UHRF2: variants seen among roughly 807,000 people sequenced by gnomAD.
UHRF2 encodes the protein E3 ubiquitin-protein ligase UHRF2.
Under a neutral mutation model 96.8 loss-of-function variants are expected in UHRF2, and 23 were observed. The ratio of observed to expected loss-of-function variants is 0.24; its 90% CI spans 0.17 to 0.34. UHRF2 has a LOEUF of 0.34. Among genes scored for constraint, UHRF2 ranks in the 10% least tolerant of loss-of-function variants. The probability of loss-of-function intolerance (pLI) is 1.00; values close to 1 mark genes in which losing one functional copy is unlikely to be tolerated. For synonymous variants in UHRF2, 385 were observed against 332.6 expected, an observed-to-expected ratio of 1.16 and a Z score of -1.72; for missense variants, 685 against 981.5, an observed-to-expected ratio of 0.70 and a Z score of 4.04.
chr9:6,485,116 A>C (rs983924861), intron 8 of UHRF2, among the ~76,000 whole-genome samples: 1 of 152,136 alleles, frequency 6.6e-6, no homozygotes, highest in Non-Finnish European at 1.5e-5. Flanking sequence ...TCTGTGGAAG[A>C]TGAAACATTT....
At chr9:6,436,248 T>C (rs1467731732) in intron 3 of UHRF2, among the ~76,000 whole-genome samples, 1 of 152,222 alleles carries the variant, frequency 6.6e-6, no homozygotes, top group East Asian at 1.9e-4. Flanking sequence ...TAGATCCCTT[T>C]AATCTTTACT....
At chr9:6,466,141 C>T (rs1271093558) in intron 4 of UHRF2, among the ~76,000 whole-genome samples, 2 of 152,136 alleles carry the variant, frequency 1.3e-5, no homozygotes, top group African/African-American at 4.8e-5. Flanking sequence ...TGGCTTGTGC[C>T]TGTAATCCTA....
At chr9:6,423,333 T>C (rs1820044678) in intron 2 of UHRF2, among the ~76,000 whole-genome samples, 1 of 152,160 alleles carries the variant, frequency 6.6e-6, no homozygotes, top group African/African-American at 2.4e-5. Flanking sequence ...CTTTATAAAT[T>C]GAGTTTAATA....
intron 1 of UHRF2, chr9:6,415,134 T>A (rs2130699248): frequency 6.6e-6 from 1 of 152,322 alleles, no homozygotes; most frequent in South Asian, 2.1e-4. Context: ...AAATGAAGGA[T>A]GTTCTTGGGC....
intron 3 of UHRF2, among the ~76,000 whole-genome samples, chr9:6,447,174 C>T (rs1199744690): frequency 6.6e-6 from 1 of 152,190 alleles, no homozygotes; most frequent in East Asian, 1.9e-4. Flanking sequence ...CAGGCATGAG[C>T]CACCGCGCCC....
At chr9:6,429,808 C>T (rs1820469093) in intron 2 of UHRF2, among the ~76,000 whole-genome samples, 1 of 152,298 alleles carries the variant, frequency 6.6e-6, no homozygotes, top group South Asian at 2.1e-4. Context: ...CATGGTTACA[C>T]TTAGTGGGTG....
At chr9:6,444,290 TAA>T (rs1293198972) in intron 3 of UHRF2, among the ~76,000 whole-genome samples, 1 of 151,844 alleles carries the variant, frequency 6.6e-6, no homozygotes, top group African/African-American at 2.4e-5. Flanking sequence ...GTATTTCCTC[TAA>T]CTGTCTATGA....
At chr9:6,453,897 T>G (rs1822017815) in intron 3 of UHRF2, among the ~76,000 whole-genome samples, 1 of 151,902 alleles carries the variant, frequency 6.6e-6, no homozygotes, top group Non-Finnish European at 1.5e-5. Flanking sequence ...AGAGTAAGAC[T>G]CCGTCTCAAA....
At chr9:6,426,169 C>T (rs897962771) in intron 2 of UHRF2, among the ~76,000 whole-genome samples, 3 of 152,322 alleles carry the variant, frequency 2.0e-5, no homozygotes, top group Non-Finnish European at 4.4e-5. Context: ...GGAAGAGCAT[C>T]AGGAGAAATT....
At chr9:6,495,112 A>G (rs533487123) in intron 10 of UHRF2, 35 of 152,326 alleles carry the variant, frequency 2.3e-4, no homozygotes, top group Non-Finnish European at 4.7e-4. Context: ...GTCAAATCTG[A>G]AAATTATTTT....
intron 1 of UHRF2, among the ~76,000 whole-genome samples, chr9:6,419,750 G>T (rs1819818206): frequency 6.6e-6 from 1 of 151,970 alleles, no homozygotes; most frequent in South Asian, 2.1e-4. Context: ...TTATTTATTT[G>T]TTTATTTTGA....
chr9:6,478,404 T>C (rs1823717778), intron 6 of UHRF2, among the ~76,000 whole-genome samples: 1 of 152,230 alleles, frequency 6.6e-6, no homozygotes, highest in Non-Finnish European at 1.5e-5. Context: ...TGTTATGTTC[T>C]ATAATAGTAC....
At chr9:6,468,264 T>A (rs750030048) in intron 4 of UHRF2, 2 of 359,014 alleles carry the variant, frequency 5.6e-6, no homozygotes, top group Non-Finnish European at 1.1e-5. Flanking sequence ...ACAAAAATGG[T>A]ACATAAGTGA....
rs1822451507 is a variant in UHRF2, at chr9:6,460,251, C to G, written c.645-322C>G. On this transcript the variant is annotated intron_variant, in intron 3 of 15. Transcript: ENST00000276893. ...TTCTAGAAAAATTGTATATAGCTCC[C>G]TCAAAGTAGATGATTGTGGTTCTTG... Among the ~76,000 whole-genome samples, 6 of 152,238 alleles carry G rather than the reference C, an allele frequency of 3.9e-5. No individual in the cohort carries two copies. The South Asian group carries it at 1.2e-3, about 32-fold the overall frequency.
chr9:6,497,935 G>A, intron 11 of UHRF2, 83 bp from the exon 12 acceptor site: 4 of 1,523,518 alleles, frequency 2.6e-6, no homozygotes. Flanking sequence ...TTTAGTTCTG[G>A]CAAAGATTAT....
At chr9:6,422,489 C>G (rs940747400) in intron 2 of UHRF2, 1 of 422,466 alleles carries the variant, frequency 2.4e-6, no homozygotes, top group Non-Finnish European at 4.3e-6. Flanking sequence ...ATATAAAGCT[C>G]TACAAATCTG....
chr9:6,506,367 C>G lies in UHRF2; in HGVS notation c.*188C>G. 2 of 643,776 alleles carry G rather than the reference C, an allele frequency of 3.1e-6. No individual in the cohort carries two copies. The highest frequency in any genetic ancestry group is 3.1e-5 in the South Asian group (1 of 32,570). 39.9% of individuals were successfully genotyped at this position (643,776 alleles called of 1,614,324 possible). A position where few individuals can be genotyped will look rare whatever the true frequency, so the allele number is the denominator to read the frequency against. On this transcript the variant is annotated 3_prime_UTR_variant, in exon 16 of 16. Transcript: ENST00000276893. ...CATTTCTCAACTGTCTTTTAAATAT[C>G]TAAAGGTAGTTCCTGTAACAACTAG...
intron 9 of UHRF2, among the ~76,000 whole-genome samples, chr9:6,493,247 G>C (rs1017703153): frequency 2.0e-5 from 3 of 152,004 alleles, no homozygotes; most frequent in Non-Finnish European, 2.9e-5. Context: ...ACAGCGAGCC[G>C]AGATCGTGCC....
chr9:6,416,222 C>T (rs940799442), intron 1 of UHRF2, among the ~76,000 whole-genome samples: 2 of 152,120 alleles, frequency 1.3e-5, no homozygotes, highest in African/African-American at 2.4e-5. Flanking sequence ...CGCCACCACT[C>T]CCGGCAAATT....
Sources: gnomAD v4.1 joint callset for allele counts (sites outside exome capture counted in the v4.1 genomes callset) on GRCh38, gnomAD v4.1.1 for gene constraint, MANE v1.5 for transcripts, NCBI Gene and HGNC (gene_info 2026-07-23, HGNC 2026-07-21) for gene names.